The following GRIP1 variants were observed in gnomAD, a reference collection of about 807,000 sequenced individuals.
GRIP1 encodes the protein glutamate receptor interacting protein 1.
Under a neutral mutation model 129.9 loss-of-function variants are expected in GRIP1, and 45 were observed. The observed-to-expected ratio is 0.35, with a 90% CI of 0.27 to 0.44. The LOEUF (loss-of-function observed/expected upper bound fraction) is 0.44, where lower values mean the gene tolerates loss of function less well. GRIP1 is among the 20% of genes least tolerant of loss of function. The pLI is 1.00. For missense variants in GRIP1, 1,196 were observed against 1,396.8 expected, an observed-to-expected ratio of 0.86 and a Z score of 2.29; for synonymous variants, 530 against 520.8, an observed-to-expected ratio of 1.02 and a Z score of -0.24.
chr12:67,006,301 A>C (rs1483662371), intron 1 of GRIP1, among the ~76,000 whole-genome samples: 1 of 152,190 alleles, frequency 6.6e-6, no homozygotes, highest in Non-Finnish European at 1.5e-5. Flanking sequence ...ATGGTAGCTC[A>C]AGCCTGTAAT....
intron 15 of GRIP1, among the ~76,000 whole-genome samples, chr12:66,416,518 A>C (rs909329145): frequency 2.0e-5 from 3 of 152,160 alleles, no homozygotes; most frequent in African/African-American, 7.2e-5. Context: ...AAGACTAATA[A>C]CAAAAATAAA....
At chr12:66,807,661 A>G (rs1302346874), upstream of GRIP1, among the ~76,000 whole-genome samples, 4 of 151,834 alleles carry the variant, frequency 2.6e-5, no homozygotes, top group African/African-American at 9.7e-5. Flanking sequence ...GCGATGGAGT[A>G]AAAAAGTGTG....
intron 19 of GRIP1, among the ~76,000 whole-genome samples, chr12:66,383,588 G>A (rs879906687): frequency 3.6e-4 from 55 of 152,174 alleles, no homozygotes; most frequent in Admixed American, 2.0e-4. Flanking sequence ...TTCTCTGGAC[G>A]CTTTCTCTCC....
chr12:66,418,781 A>G (rs6581686), intron 15 of GRIP1, among the ~76,000 whole-genome samples: 141,411 of 152,208 alleles, frequency 0.93, 66,351 homozygotes, highest in Non-Finnish European at 1. Flanking sequence ...TTTATCCAAA[A>G]GACAGGCAAT....
At chr12:66,884,355 G>A (rs748697087) in intron 1 of GRIP1, among the ~76,000 whole-genome samples, 3 of 152,124 alleles carry the variant, frequency 2.0e-5, no homozygotes, top group African/African-American at 7.2e-5. Flanking sequence ...TATGTAAAGC[G>A]TATCATCGAG....
At chr12:66,434,351 C>T (rs1478444180) in intron 13 of GRIP1, among the ~76,000 whole-genome samples, 2 of 152,172 alleles carry the variant, frequency 1.3e-5, no homozygotes, top group East Asian at 3.8e-4. Context: ...TTTCCTCCCT[C>T]GACCAAGTGA....
At chr12:66,938,729 C>A (rs984249233) in intron 1 of GRIP1, among the ~76,000 whole-genome samples, 5 of 151,782 alleles carry the variant, frequency 3.3e-5, no homozygotes, top group Non-Finnish European at 7.4e-5. Context: ...GAGGCCAAGG[C>A]GGGCAGATCA....
chr12:66,646,331 A>G (rs1216837050), intron 1 of GRIP1, among the ~76,000 whole-genome samples: 4 of 152,142 alleles, frequency 2.6e-5, no homozygotes, highest in Non-Finnish European at 5.9e-5. Context: ...TCAGAAATAT[A>G]TTTGGGGGAA....
intron 1 of GRIP1, among the ~76,000 whole-genome samples, chr12:66,721,311 T>A (rs1334720990): frequency 6.6e-6 from 1 of 152,238 alleles, no homozygotes; most frequent in South Asian, 2.1e-4. Context: ...AGAGTCTCAC[T>A]CTGTCAGTGC....
intron 1 of GRIP1, among the ~76,000 whole-genome samples, chr12:67,068,830 C>G (rs908911845): frequency 7.0e-6 from 1 of 142,852 alleles, no homozygotes; most frequent in Admixed American, 6.8e-5. Flanking sequence ...AGCACCACCC[C>G]TCTCCCGCTG....
At chr12:66,772,261 T>C (rs938709828) in intron 1 of GRIP1, among the ~76,000 whole-genome samples, 7 of 152,220 alleles carry the variant, frequency 4.6e-5, no homozygotes, top group Non-Finnish European at 8.8e-5. Context: ...TGACTTTCAA[T>C]AGAGAGCGAT....
intron 7 of GRIP1, among the ~76,000 whole-genome samples, chr12:66,496,940 T>G (rs2060254281): frequency 6.6e-6 from 1 of 151,938 alleles, no homozygotes; most frequent in Non-Finnish European, 1.5e-5. Context: ...AGAGGATGAA[T>G]AAGAATACAA....
chr12:66,985,511 T>C (rs1035790313), intron 1 of GRIP1, among the ~76,000 whole-genome samples: 1 of 152,206 alleles, frequency 6.6e-6, no homozygotes, highest in African/African-American at 2.4e-5. Flanking sequence ...CCTTCTATCA[T>C]AGAGCTCTAA....
At chr12:67,055,864 C>A (rs538917766) in intron 1 of GRIP1, among the ~76,000 whole-genome samples, 15 of 152,204 alleles carry the variant, frequency 9.9e-5, no homozygotes, top group African/African-American at 3.4e-4. Context: ...GTGAGGATCC[C>A]AGGTATAGCC....
At chr12:66,782,423 T>G (rs534238344) in intron 1 of GRIP1, among the ~76,000 whole-genome samples, 3 of 152,102 alleles carry the variant, frequency 2.0e-5, no homozygotes, top group African/African-American at 7.2e-5. Context: ...CCTGGGGAAA[T>G]AGAAGTGGTG....
upstream of GRIP1, among the ~76,000 whole-genome samples, chr12:66,680,938 T>C (rs1187890273): frequency 6.6e-6 from 1 of 151,878 alleles, no homozygotes; most frequent in African/African-American, 2.4e-5. Flanking sequence ...AATGATCAAA[T>C]ATTTTCCCCT....
chr12:66,642,464 T>C (rs1472022655), intron 1 of GRIP1, among the ~76,000 whole-genome samples: 1 of 152,006 alleles, frequency 6.6e-6, no homozygotes, highest in South Asian at 2.1e-4. Flanking sequence ...AGCTAGATTG[T>C]TAAGTAAGAG....
intron 1 of GRIP1, among the ~76,000 whole-genome samples, chr12:66,919,828 A>G (rs1201726570): frequency 6.6e-6 from 1 of 152,200 alleles, no homozygotes; most frequent in Non-Finnish European, 1.5e-5. Flanking sequence ...CGTTAAGGCA[A>G]TATTATAAAT....
intron 1 of GRIP1, among the ~76,000 whole-genome samples, chr12:66,677,187 A>C (rs1312739785): frequency 1.3e-5 from 2 of 152,204 alleles, no homozygotes; most frequent in African/African-American, 4.8e-5. Context: ...ATTTTTAGCG[A>C]CTATCTTAGT....
Sources: allele counts gnomAD v4.1 joint callset (sites outside exome capture counted in the v4.1 genomes callset), GRCh38; gene constraint gnomAD v4.1.1; transcripts MANE v1.5; gene names NCBI Gene and HGNC (gene_info 2026-07-23, HGNC 2026-07-21).